FOXP2: variants seen among roughly 807,000 people sequenced by gnomAD.
FOXP2 encodes forkhead box P2.
FOXP2 carries 12 observed loss-of-function variants against 115.8 expected under a neutral mutation model. That is an observed-to-expected ratio of 0.10 (90% confidence interval 0.07 to 0.17). The LOEUF (loss-of-function observed/expected upper bound fraction) is 0.17, where lower values mean the gene tolerates loss of function less well. Ranked by LOEUF, FOXP2 falls within the 10% of genes least tolerant of loss-of-function variation. The pLI is 1.00. For missense variants in FOXP2, 629 were observed against 843.5 expected (o/e 0.75, Z 3.15); for synonymous variants, 328 against 297.7 (o/e 1.10, Z -1.05).
At chr7:114,627,335 A>G (rs1416898034) in intron 3 of FOXP2, among the ~76,000 whole-genome samples, 4 of 152,026 alleles carry the variant, frequency 2.6e-5, no homozygotes, top group Non-Finnish European at 5.9e-5. Flanking sequence ...CTAAAACAGT[A>G]TTTATATAAA....
intron 16 of FOXP2, chr7:114,665,547 A>T (rs1435104644): frequency 6.6e-6 from 1 of 152,074 alleles, no homozygotes; most frequent in African/African-American, 2.4e-5. Flanking sequence ...TCTGTTTGAC[A>T]TATTAATGTC....
chr7:114,369,859 C>G (rs1791962548), intron 2 of FOXP2, among the ~76,000 whole-genome samples: 2 of 151,900 alleles, frequency 1.3e-5, no homozygotes. Flanking sequence ...TTATGCTTAT[C>G]AAAAAATCAT....
At chr7:114,508,090 T>C (rs187656994) in intron 2 of FOXP2, among the ~76,000 whole-genome samples, 9 of 152,106 alleles carry the variant, frequency 5.9e-5, no homozygotes, top group East Asian at 1.9e-4. Context: ...CATACATACT[T>C]TTTAAAAAAC....
intron 1 of FOXP2, among the ~76,000 whole-genome samples, chr7:114,134,549 T>TA (rs1791978422): frequency 6.6e-6 from 1 of 151,426 alleles, no homozygotes. Flanking sequence ...CCGTCTCTAC[T>TA]AAAAATACAA....
chr7:114,500,905 G>A (rs949108114), intron 2 of FOXP2, among the ~76,000 whole-genome samples: 3 of 152,106 alleles, frequency 2.0e-5, no homozygotes, highest in South Asian at 2.1e-4. Flanking sequence ...TTGAAGTAGG[G>A]CCTGTTCGTT....
chr7:114,305,690 G>C (rs1228915146), intron 2 of FOXP2, among the ~76,000 whole-genome samples: 3 of 152,122 alleles, frequency 2.0e-5, no homozygotes, highest in Non-Finnish European at 2.9e-5. Context: ...CTCCTTGGAT[G>C]CTCCCTAGTT....
At chr7:114,481,800 C>CTATA (rs1554402628) in intron 2 of FOXP2, among the ~76,000 whole-genome samples, 2 of 150,044 alleles carry the variant, frequency 1.3e-5, no homozygotes, top group Admixed American at 6.6e-5. Flanking sequence ...ATCTATCTAT[C>CTATA]TATCTATCTA....
At chr7:114,470,340 A>G (rs1795991618) in intron 2 of FOXP2, among the ~76,000 whole-genome samples, 2 of 152,126 alleles carry the variant, frequency 1.3e-5, no homozygotes, top group South Asian at 4.1e-4. Flanking sequence ...GTTCCTATCT[A>G]TCTTCCATTT....
At chr7:114,199,797 A>G (rs995478181) in intron 1 of FOXP2, among the ~76,000 whole-genome samples, 2 of 151,934 alleles carry the variant, frequency 1.3e-5, no homozygotes, top group African/African-American at 4.8e-5. Flanking sequence ...ACACTTAGAA[A>G]CATACCACCG....
intron 2 of FOXP2, among the ~76,000 whole-genome samples, chr7:114,351,230 T>A (rs1791481596): frequency 6.6e-6 from 1 of 152,194 alleles, no homozygotes; most frequent in Non-Finnish European, 1.5e-5. Context: ...GTGTATTTTT[T>A]AATAAAACAG....
chr7:114,461,466 G>A (rs1795556851), intron 2 of FOXP2, among the ~76,000 whole-genome samples: 1 of 151,666 alleles, frequency 6.6e-6, no homozygotes, highest in Admixed American at 6.6e-5. Flanking sequence ...TTATTTTTCT[G>A]AGGTGGAATT....
At chr7:114,463,839 T>C (rs1309178473) in intron 2 of FOXP2, among the ~76,000 whole-genome samples, 2 of 152,134 alleles carry the variant, frequency 1.3e-5, no homozygotes, top group African/African-American at 4.8e-5. Flanking sequence ...TCAATACAAG[T>C]GTCCTCATAT....
At chr7:114,170,892 C>A (rs1793118672) in intron 1 of FOXP2, among the ~76,000 whole-genome samples, 1 of 152,186 alleles carries the variant, frequency 6.6e-6, no homozygotes, top group African/African-American at 2.4e-5. Context: ...TAGCTAAAAT[C>A]ATTGATAAAG....
At chr7:114,100,878 A>G (rs1584478981) in intron 1 of FOXP2, among the ~76,000 whole-genome samples, 1 of 152,158 alleles carries the variant, frequency 6.6e-6, no homozygotes, top group Non-Finnish European at 1.5e-5. Flanking sequence ...TAATCTCTTT[A>G]TAAGAATGTT....
intron 3 of FOXP2, among the ~76,000 whole-genome samples, chr7:114,553,241 C>A (rs181976470): frequency 6.6e-6 from 1 of 152,272 alleles, no homozygotes; most frequent in Non-Finnish European, 1.5e-5. Flanking sequence ...TTGGCAAGTT[C>A]TTTAACTCTC....
intron 1 of FOXP2, among the ~76,000 whole-genome samples, chr7:114,093,885 TATA>T (rs1799591404): frequency 6.6e-6 from 1 of 152,180 alleles, no homozygotes; most frequent in African/African-American, 2.4e-5. Flanking sequence ...AGTGCTCTAA[TATA>T]ATAATATTTA....
At chr7:114,468,617 C>T (rs1449199849) in intron 2 of FOXP2, among the ~76,000 whole-genome samples, 2 of 152,092 alleles carry the variant, frequency 1.3e-5, no homozygotes, top group Non-Finnish European at 2.9e-5. Context: ...TGGAACAACT[C>T]TTTCTCATTC....
chr7:114,657,471 A>T (rs766509225), intron 10 of FOXP2, among the ~76,000 whole-genome samples: 4 of 152,186 alleles, frequency 2.6e-5, no homozygotes, highest in Non-Finnish European at 5.9e-5. Flanking sequence ...ATCAGATTTA[A>T]TTTGAAAATT....
rs144069150 is a variant in FOXP2 at position 114,485,858 on chromosome 7, T to A, written c.169-48759T>A. On this transcript the variant is annotated intron_variant, in intron 2 of 16. Coordinates refer to ENST00000350908, the MANE Select transcript of FOXP2 (RefSeq NM_014491.4). ...TAACTGATAAATAAATTTTCCAAGT[T>A]GAGAAAGCTAATAAGTGGTGGAGCT... 1.7e-3 allele frequency among the ~76,000 whole-genome samples: 264 copies of A among 152,182 alleles called. 1 individual carries two copies. The highest frequency in any genetic ancestry group is 3.0e-3 in the Non-Finnish European group (206 of 67,994).
Sources: allele counts gnomAD v4.1 joint callset (sites outside exome capture counted in the v4.1 genomes callset), GRCh38; gene constraint gnomAD v4.1.1; transcripts MANE v1.5; gene names NCBI Gene and HGNC (gene_info 2026-07-23, HGNC 2026-07-21).